The following TMEM132C variants were observed in gnomAD, a reference collection of about 807,000 sequenced individuals.
The protein encoded by TMEM132C is transmembrane protein 132C, also known as protein phosphatase 1, regulatory subunit 152.
A neutral mutation model predicts 61.4 loss-of-function variants in TMEM132C; 29 were observed. The observed-to-expected ratio is 0.47, with a 90% CI of 0.35 to 0.64. The LOEUF is 0.64. Among genes scored for constraint, TMEM132C ranks in the 30% least tolerant of loss-of-function variants. The pLI is 0.00. For synonymous variants in TMEM132C, 656 were observed against 633.1 expected (o/e 1.04, Z -0.54); for missense variants, 1,408 against 1,476.9 (o/e 0.95, Z 0.76).
intron 4 of TMEM132C, among the ~76,000 whole-genome samples, chr12:128,666,837 G>A (rs1161048966): frequency 1.3e-5 from 2 of 152,190 alleles, no homozygotes; most frequent in East Asian, 1.9e-4. Context: ...ATATATGTCC[G>A]AGGCAGGTGG....
intron 2 of TMEM132C, among the ~76,000 whole-genome samples, chr12:128,503,644 C>T (rs181160860): frequency 6.6e-6 from 1 of 152,348 alleles, no homozygotes; most frequent in Non-Finnish European, 1.5e-5. Flanking sequence ...CATGTGCTGT[C>T]TGTATCCTTT....
chr12:128,518,337 G>A (rs1174303360), intron 2 of TMEM132C, among the ~76,000 whole-genome samples: 1 of 152,188 alleles, frequency 6.6e-6, no homozygotes, highest in African/African-American at 2.4e-5. Flanking sequence ...ATCAACAATA[G>A]CTTCGGAAGG....
intron 2 of TMEM132C, among the ~76,000 whole-genome samples, chr12:128,503,242 GC>G (rs1872241621): frequency 6.6e-6 from 1 of 152,210 alleles, no homozygotes; most frequent in African/African-American, 2.4e-5. Flanking sequence ...TATGCATGGG[GC>G]TTTCGGAGTT....
At chr12:128,412,426 C>T (rs868192093) in intron 1 of TMEM132C, among the ~76,000 whole-genome samples, 16 of 152,168 alleles carry the variant, frequency 1.1e-4, no homozygotes, top group African/African-American at 3.6e-4. Flanking sequence ...TTGCTTATCT[C>T]CCTGCTATGG....
chr12:128,501,095 T>C (rs1872160918), intron 2 of TMEM132C, among the ~76,000 whole-genome samples: 1 of 152,170 alleles, frequency 6.6e-6, no homozygotes, highest in Non-Finnish European at 1.5e-5. Context: ...AGACGAAATA[T>C]TGTATGACTT....
chr12:128,495,728 C>A (rs1362250480), intron 2 of TMEM132C, among the ~76,000 whole-genome samples: 10 of 152,160 alleles, frequency 6.6e-5, no homozygotes, highest in East Asian at 1.9e-4. Context: ...ATGTGTGTCT[C>A]TGCACGTGAG....
chr12:128,639,156 G>C (rs1308263208), intron 4 of TMEM132C, among the ~76,000 whole-genome samples: 1 of 147,984 alleles, frequency 6.8e-6, no homozygotes, highest in Non-Finnish European at 1.5e-5. Context: ...GATGATGATG[G>C]TGATGGTGGT....
chr12:128,644,344 T>G (rs12099512), intron 4 of TMEM132C, among the ~76,000 whole-genome samples: 5,061 of 152,292 alleles, frequency 0.033, 279 homozygotes, highest in African/African-American at 0.12. Flanking sequence ...AATCCATGTG[T>G]CCTTTAACTG....
At chr12:128,376,978 A>G (rs1438570483) in intron 1 of TMEM132C, among the ~76,000 whole-genome samples, 2 of 152,184 alleles carry the variant, frequency 1.3e-5, no homozygotes, top group African/African-American at 2.4e-5. Flanking sequence ...TGGAGGGAGA[A>G]ACTGGACTCC....
chr12:128,414,453 G>A (rs181318603), intron 1 of TMEM132C, among the ~76,000 whole-genome samples: 197 of 152,198 alleles, frequency 1.3e-3, no homozygotes, highest in Middle Eastern at 6.8e-3. Flanking sequence ...CCATCATTCT[G>A]TTAAGTTGAA....
At chr12:128,516,702 A>G (rs989304710) in intron 2 of TMEM132C, among the ~76,000 whole-genome samples, 7 of 152,140 alleles carry the variant, frequency 4.6e-5, no homozygotes, top group African/African-American at 1.7e-4. Context: ...GCTTGAGGCC[A>G]GAAGTTCAAG....
At chr12:128,411,101 T>C (rs1434668336) in intron 1 of TMEM132C, among the ~76,000 whole-genome samples, 1 of 152,188 alleles carries the variant, frequency 6.6e-6, no homozygotes, top group Non-Finnish European at 1.5e-5. Flanking sequence ...GTGTGCATGT[T>C]GGGGGACAGT....
rs5801799 is a variant in TMEM132C, at chr12:128,527,707, ATGTG to A, written c.975-16226_975-16223del. 2.5e-3 allele frequency among the ~76,000 whole-genome samples: 373 copies of A among 147,188 alleles called. 3 individuals are homozygous for A. The highest frequency in any genetic ancestry group is 8.4e-3 in the African/African-American group (337 of 40,090). On this transcript the variant is annotated intron_variant, in intron 2 of 8. Transcript: ENST00000435159. Reference sequence around the variant, plus strand: ...CGTGCATGTACGTGAATGTGCATGTATGTGTGTGTGTGTGTGTGTGTGTGTGTTA... The same window carrying A: ...CGTGCATGTACGTGAATGTGCATGTATGTGTGTGTGTGTGTGTGTGTGTTA...
chr12:128,567,639 C>T (rs1593102595), intron 3 of TMEM132C, among the ~76,000 whole-genome samples: 1 of 152,208 alleles, frequency 6.6e-6, no homozygotes, highest in Non-Finnish European at 1.5e-5. Flanking sequence ...AAAGTGGCCT[C>T]CTCCACTTTA....
At chr12:128,642,570 G>A (rs1406375105) in intron 4 of TMEM132C, among the ~76,000 whole-genome samples, 1 of 152,142 alleles carries the variant, frequency 6.6e-6, no homozygotes, top group African/African-American at 2.4e-5. Context: ...TAAAGAGTCT[G>A]AGACGTCCGC....
chr12:128,498,250 T>C (rs571425899), intron 2 of TMEM132C, among the ~76,000 whole-genome samples: 1 of 152,286 alleles, frequency 6.6e-6, no homozygotes, highest in African/African-American at 2.4e-5. Context: ...CTGTTACAGC[T>C]TCTATTCAAC....
chr12:128,367,271 G>T (rs763533278), intron 1 of TMEM132C, among the ~76,000 whole-genome samples: 2 of 152,200 alleles, frequency 1.3e-5, no homozygotes, highest in South Asian at 4.1e-4. Context: ...TCCAGAACAC[G>T]TCCAGAGATG....
intron 1 of TMEM132C, among the ~76,000 whole-genome samples, chr12:128,360,026 T>C (rs952093): frequency 0.14 from 21,117 of 152,126 alleles, 1,674 homozygotes; most frequent in East Asian, 0.36. Context: ...TGACAATCAC[T>C]GTGGTGGGTT....
intron 3 of TMEM132C, among the ~76,000 whole-genome samples, chr12:128,614,796 C>T (rs1181309045): frequency 6.6e-6 from 1 of 152,180 alleles, no homozygotes; most frequent in African/African-American, 2.4e-5. Flanking sequence ...GGATACTAGG[C>T]AATTCACATA....
Sources: gnomAD v4.1 joint callset for allele counts (sites outside exome capture counted in the v4.1 genomes callset) on GRCh38, gnomAD v4.1.1 for gene constraint, MANE v1.5 for transcripts, NCBI Gene and HGNC (gene_info 2026-07-23, HGNC 2026-07-21) for gene names.